SUMF2: variants seen among roughly 807,000 people sequenced by gnomAD.
SUMF2 encodes sulfatase modifying factor 2, also known as inactive C-alpha-formylglycine-generating enzyme 2.
Under a neutral mutation model 44.8 loss-of-function variants are expected in SUMF2, and 45 were observed. The ratio of observed to expected loss-of-function variants is 1.00; its 90% CI spans 0.79 to 1.29. SUMF2 has a LOEUF of 1.29. Among genes scored for constraint, SUMF2 ranks in the 50% most tolerant of loss-of-function variants. SUMF2 has a pLI of 0.00. For synonymous variants in SUMF2, 148 were observed against 150.4 expected, an observed-to-expected ratio of 0.98 and a Z score of 0.12; for missense variants, 418 against 389.9, an observed-to-expected ratio of 1.07 and a Z score of -0.61.
chr7:56,080,156 A>G lies in SUMF2; in HGVS notation c.*544A>G. 5.3e-6 allele frequency: 2 copies of G among 379,594 alleles called. No homozygotes were observed. The highest frequency in any genetic ancestry group is 8.3e-5 in the South Asian group (2 of 24,048). 23.5% of individuals were successfully genotyped at this position (379,594 alleles called of 1,614,324 possible). A position where few individuals can be genotyped will look rare whatever the true frequency, so the allele number is the denominator to read the frequency against. ...CTATTTAAAGCACAGTTCAGTCCTA[A>G]AAGGGTCTGGGAGAACCAGATGATG... On this transcript the variant is annotated 3_prime_UTR_variant, in exon 9 of 9. Coordinates refer to ENST00000434526, the MANE Select transcript of SUMF2 (RefSeq NM_015411.4).
At chr7:56,086,771 A>T in the SUMF2 span, 1 of 583,042 alleles carries the variant, frequency 1.7e-6, no homozygotes. Context: ...TAAAGAAATG[A>T]TCCAGCCCAC....
In SUMF2 at chr7:56,073,255, A is replaced by T. The variant is rs1411829639; in HGVS notation, c.339+144A>T. ...GGGAAGCAAGAGAAACTCACCATGGAGCGTCAGATCAGTACACACTCCCAG... is the reference window on the plus strand; with the variant it reads ...GGGAAGCAAGAGAAACTCACCATGGTGCGTCAGATCAGTACACACTCCCAG... On this transcript the variant is annotated intron_variant, in intron 3 of 8. Transcript: ENST00000434526. The T allele has an allele frequency of 4.2e-6, 3 of 717,224 alleles. No individual in the cohort carries two copies. In the African/African-American group the frequency reaches 5.2e-5, roughly 12 times the overall value. The allele number at this position is 717,224 out of a possible 1,614,324, so 44.4% of individuals were successfully genotyped here. A position where few individuals can be genotyped will look rare whatever the true frequency, so the allele number is the denominator to read the frequency against.
intron 2 of SUMF2, among the ~76,000 whole-genome samples, chr7:56,072,231 GC>G (rs1239413847): frequency 1.3e-5 from 2 of 151,978 alleles, no homozygotes; most frequent in Non-Finnish European, 2.9e-5. Context: ...TTCGAGACCA[GC>G]CTGGCTAACA....
Position 56,073,898 on chromosome 7 carries a change from C to T in SUMF2, c.340-276C>T. The T allele has an allele frequency of 1.7e-5, 9 of 522,066 alleles. No individual in the cohort carries two copies. In the South Asian group the frequency reaches 2.4e-4, roughly 14 times the overall value. The allele number at this position is 522,066 out of a possible 1,614,324, so 32.3% of individuals were successfully genotyped here. On this transcript the variant is annotated intron_variant, in intron 3 of 8. Coordinates refer to ENST00000434526, the MANE Select transcript of SUMF2 (RefSeq NM_015411.4). Reference sequence around the variant, plus strand: ...GGCATGGTCATGCACACCTGTAGTCCCAGCTACTCAGGAGGTTGAGGTGGG... The same window carrying T: ...GGCATGGTCATGCACACCTGTAGTCTCAGCTACTCAGGAGGTTGAGGTGGG...
At chr7:56,087,047 G>A in the SUMF2 span, 1 of 1,602,560 alleles carries the variant, frequency 6.2e-7, no homozygotes, top group Non-Finnish European at 8.5e-7. Context: ...TGGCTAGCTT[G>A]TCTCAAGTAG....
the SUMF2 span, chr7:56,087,684 A>C: frequency 6.2e-7 from 1 of 1,614,000 alleles, no homozygotes; most frequent in Middle Eastern, 1.6e-4. Context: ...CTCCGGGCTG[A>C]AGCTGCCTCC....
chr7:56,074,446 A>G, intron 4 of SUMF2, 140 bp from the exon 5 acceptor site: 1 of 1,188,236 alleles, frequency 8.4e-7, no homozygotes, highest in Non-Finnish European at 1.2e-6. Flanking sequence ...TCTGACTCCG[A>G]CCACTGGTCA....
chr7:56,071,512 C>T (rs538622270), intron 2 of SUMF2, among the ~76,000 whole-genome samples: 17 of 151,072 alleles, frequency 1.1e-4, no homozygotes, highest in African/African-American at 3.4e-4. Flanking sequence ...ATTGGTTGGG[C>T]GCAGTGGCTC....
downstream of SUMF2, chr7:56,081,434 C>T (rs1473562276): frequency 3.8e-6 from 5 of 1,302,068 alleles, no homozygotes; most frequent in African/African-American, 4.4e-5. The surrounding 1 kb of genome is among the most constrained non-coding windows in gnomAD (Gnocchi z 4.6). Context: ...GTGTCCCCCA[C>T]TTCCCACTTG....
In SUMF2 at chr7:56,064,305, A is replaced by G. The variant is rs559332110; in HGVS notation, c.-7A>G. ...GTGGGTGTACGCGGCGCAGCGCGGCAGTCCTGATGGCCCGGCATGGGTTAC... is the reference window on the plus strand; with the variant it reads ...GTGGGTGTACGCGGCGCAGCGCGGCGGTCCTGATGGCCCGGCATGGGTTAC... On this transcript the variant is annotated 5_prime_UTR_variant, in exon 1 of 9. Transcript: ENST00000434526. The G allele has an allele frequency of 7.6e-5, 121 of 1,587,204 alleles. No homozygotes were observed. In the South Asian group the frequency reaches 1.1e-3, roughly 14 times the overall value.
intron 6 of SUMF2, among the ~76,000 whole-genome samples, chr7:56,077,091 C>T (rs1307851390): frequency 2.7e-5 from 4 of 149,544 alleles, no homozygotes; most frequent in Admixed American, 1.3e-4. Context: ...CTGTTGCCCA[C>T]GCTGGAGTGC....
chr7:56,074,384 T>C, intron 4 of SUMF2, 166 bp downstream of exon 4: 1 of 982,414 alleles, frequency 1.0e-6, no homozygotes, highest in Non-Finnish European at 1.5e-6. Flanking sequence ...GCCCGAATCC[T>C]GTTTCCTGTT....
chr7:56,082,373 A>T (rs2117543776), downstream of SUMF2: 1 of 693,548 alleles, frequency 1.4e-6, no homozygotes, highest in Non-Finnish European at 2.4e-6. Context: ...CAGGTGGCTC[A>T]TCTGAGGCCA....
downstream of SUMF2, chr7:56,083,600 GC>G: frequency 6.5e-7 from 1 of 1,528,190 alleles, no homozygotes; most frequent in South Asian, 1.2e-5. Flanking sequence ...AGTGCCTGTG[GC>G]CCTAAGCCAC....
At chr7:56,080,730 T>G (rs1584615033), downstream of SUMF2, 1 of 367,616 alleles carries the variant, frequency 2.7e-6, no homozygotes, top group East Asian at 5.8e-5. Context: ...TGAGTGTCAG[T>G]AACTCTGGGC....
At chr7:56,082,138 G>T, downstream of SUMF2, 1 of 1,611,520 alleles carries the variant, frequency 6.2e-7, no homozygotes. Context: ...CTAGCTGGGT[G>T]CTCCTCCTTT....
intron 1 of SUMF2, among the ~76,000 whole-genome samples, chr7:56,065,209 A>G (rs1298909581): frequency 1.3e-5 from 2 of 151,202 alleles, no homozygotes; most frequent in African/African-American, 2.4e-5. Flanking sequence ...AAAAAAAAAA[A>G]AAAGGAAAAA....
rs745938771 is a variant in SUMF2, at chr7:56,079,916, A to G, written c.*304A>G. On this transcript the variant is annotated 3_prime_UTR_variant, in exon 9 of 9. Transcript: ENST00000434526. ...AAACAATTGGAACAGAGCACTCTGA[A>G]AGGCCATTTTTTAAGCATTTTAAAA... The G allele has an allele frequency of 6.9e-7, 1 of 1,442,302 alleles. No homozygotes were observed. Among genetic ancestry groups the G allele is most frequent in the Non-Finnish European group, 9.3e-7 (1 of 1,080,758 alleles). 89.3% of individuals were successfully genotyped at this position (1,442,302 alleles called of 1,614,324 possible). A position where few individuals can be genotyped will look rare whatever the true frequency, so the allele number is the denominator to read the frequency against.
At chr7:56,081,915 T>C, downstream of SUMF2, 4 of 1,613,554 alleles carry the variant, frequency 2.5e-6, no homozygotes, top group Non-Finnish European at 3.4e-6. The surrounding 1 kb of genome is among the most constrained non-coding windows in gnomAD (Gnocchi z 4.6). Context: ...GGTGTCCGAG[T>C]AATCATCCCA....
Sources: gnomAD v4.1 joint callset for allele counts (sites outside exome capture counted in the v4.1 genomes callset) on GRCh38, gnomAD v4.1.1 for gene constraint, Gnocchi (gnomAD v3.1) non-coding constraint, MANE v1.5 for transcripts, NCBI Gene and HGNC (gene_info 2026-07-23, HGNC 2026-07-21) for gene names.